TBC1D12: variants seen among roughly 807,000 people sequenced by gnomAD.
TBC1D12 encodes TBC1 domain family member 12.
TBC1D12 carries 56 observed loss-of-function variants against 86.7 expected under a neutral mutation model. The observed-to-expected ratio is 0.65, with a 90% CI of 0.52 to 0.81. TBC1D12 has a LOEUF of 0.81. TBC1D12 is among the 30% of genes least tolerant of loss of function. TBC1D12 has a pLI of 0.00. For missense variants in TBC1D12, 1,023 were observed against 1,038.8 expected (o/e 0.98, Z 0.21); for synonymous variants, 421 against 411.7 (o/e 1.02, Z -0.27).
chr10:94,487,694 C>CTTTTTTTTTTTTTTT (rs35682157), intron 3 of TBC1D12, among the ~76,000 whole-genome samples: 2 of 127,336 alleles, frequency 1.6e-5, no homozygotes, highest in Admixed American at 1.7e-4. Context: ...TGTTGTTTCT[C>CTTTTTTTTTTTTTTT]TTTTTTTTTT....
intron 11 of TBC1D12, among the ~76,000 whole-genome samples, chr10:94,527,879 T>A (rs1177138411): frequency 6.6e-6 from 1 of 152,234 alleles, no homozygotes; most frequent in Non-Finnish European, 1.5e-5. Context: ...ATCAGTTGGC[T>A]ATAGATAATG....
intron 3 of TBC1D12, among the ~76,000 whole-genome samples, chr10:94,487,479 AT>A (rs891031922): frequency 2.0e-5 from 3 of 148,496 alleles, no homozygotes; most frequent in African/African-American, 5.0e-5. Flanking sequence ...GTGTTGTCAT[AT>A]TTTTTTTATT....
At chr10:94,405,424 T>C (rs2134042083) in intron 1 of TBC1D12, among the ~76,000 whole-genome samples, 1 of 152,350 alleles carries the variant, frequency 6.6e-6, no homozygotes, top group Admixed American at 6.5e-5. Context: ...AAAATCCTAA[T>C]TTTTTGTTAC....
chr10:94,435,722 A>C (rs562793841), intron 1 of TBC1D12, among the ~76,000 whole-genome samples: 134 of 152,324 alleles, frequency 8.8e-4, no homozygotes, highest in African/African-American at 3.2e-3. Flanking sequence ...TTTAAAAATT[A>C]ATGCTTTTGG....
At chr10:94,507,127 A>G (rs142363790) in intron 6 of TBC1D12, 140 bp from the exon 7 acceptor site, 8 of 714,112 alleles carry the variant, frequency 1.1e-5, no homozygotes, top group African/African-American at 1.8e-5. Flanking sequence ...GGTAGAATCA[A>G]GTACTTAGAT....
At chr10:94,444,032 A>G (rs963324866) in intron 2 of TBC1D12, among the ~76,000 whole-genome samples, 1 of 152,068 alleles carries the variant, frequency 6.6e-6, no homozygotes, top group Non-Finnish European at 1.5e-5. Context: ...TTAGCCAGGC[A>G]TGGTGGTGCA....
rs755872161 is a variant in TBC1D12 at position 94,533,940 on chromosome 10, A to G, written c.*844A>G. On this transcript the variant is annotated 3_prime_UTR_variant, in exon 13 of 13. Coordinates refer to ENST00000225235, the MANE Select transcript of TBC1D12 (RefSeq NM_015188.2). The stretch of plus-strand genomic sequence containing the variant: ...TTTCTCAGTGATAAGAGTAAAAAGT[A>G]ATGAATCCTGAGAGTTCTTAAACAG... 7 of 152,214 alleles carry G rather than the reference A, an allele frequency of 4.6e-5. No homozygotes were observed. Among genetic ancestry groups the G allele is most frequent in the Non-Finnish European group, 1.0e-4 (7 of 68,032 alleles). The allele number at this position is 152,214 out of a possible 1,614,324, so 9.4% of individuals were successfully genotyped here.
intron 6 of TBC1D12, among the ~76,000 whole-genome samples, chr10:94,503,228 C>T (rs1284270464): frequency 6.6e-6 from 1 of 152,022 alleles, no homozygotes; most frequent in Non-Finnish European, 1.5e-5. Flanking sequence ...TTTTTCCTGC[C>T]ATTCTATAAA....
chr10:94,450,121 A>G lies in TBC1D12; in HGVS notation c.1095+8102A>G, dbSNP rs116968628. Among the ~76,000 whole-genome samples, 72 of 152,288 alleles carry G rather than the reference A, an allele frequency of 4.7e-4. No homozygotes were observed. The East Asian group carries it at 0.012, about 25-fold the overall frequency. ...CTTATTTCCATGAATTCTTTATTCA[A>G]AAAATACTATGTATAATGCAATAGG... On this transcript the variant is annotated intron_variant, in intron 2 of 12. Coordinates refer to ENST00000225235, the MANE Select transcript of TBC1D12 (RefSeq NM_015188.2).
chr10:94,531,911 T>TTATGTTATG (rs1452772265), intron 12 of TBC1D12, among the ~76,000 whole-genome samples: 2,272 of 71,468 alleles, frequency 0.032, 82 homozygotes, highest in South Asian at 0.063. Context: ...GTTATGTTAT[T>TTATGTTATG]TTATTGTCAC....
chr10:94,513,652 C>G (rs1261772149), intron 9 of TBC1D12, among the ~76,000 whole-genome samples: 1 of 151,984 alleles, frequency 6.6e-6, no homozygotes, highest in Non-Finnish European at 1.5e-5. Context: ...ACTTCCTGGT[C>G]CCCTGGTCCC....
intron 9 of TBC1D12, among the ~76,000 whole-genome samples, chr10:94,512,761 T>C (rs934999201): frequency 2.6e-5 from 4 of 152,200 alleles, no homozygotes; most frequent in Admixed American, 2.6e-4. Context: ...ATAGTCCTTA[T>C]AGAGAAAGTT....
At chr10:94,487,147 A>G (rs1054267185) in intron 3 of TBC1D12, among the ~76,000 whole-genome samples, 4 of 151,592 alleles carry the variant, frequency 2.6e-5, no homozygotes, top group Admixed American at 6.6e-5. Context: ...TTTGGTGTCC[A>G]TTGGCATGGA....
chr10:94,490,576 G>C (rs943384719), intron 3 of TBC1D12, among the ~76,000 whole-genome samples: 8 of 152,010 alleles, frequency 5.3e-5, no homozygotes, highest in African/African-American at 1.9e-4. Flanking sequence ...TCACATCTCT[G>C]TTTTTATTGA....
At chr10:94,459,479 C>G (rs2055688586) in intron 2 of TBC1D12, among the ~76,000 whole-genome samples, 1 of 152,268 alleles carries the variant, frequency 6.6e-6, no homozygotes, top group Non-Finnish European at 1.5e-5. Flanking sequence ...CCCGCCAGTA[C>G]CGCGCTGTGC....
At chr10:94,411,729 T>TG (rs968419360) in intron 1 of TBC1D12, among the ~76,000 whole-genome samples, 1 of 151,916 alleles carries the variant, frequency 6.6e-6, no homozygotes, top group Non-Finnish European at 1.5e-5. Context: ...GAGCCCAAGG[T>TG]GGGGGGACTG....
At chr10:94,441,228 G>C (rs1489848505) in intron 1 of TBC1D12, among the ~76,000 whole-genome samples, 1 of 151,376 alleles carries the variant, frequency 6.6e-6, no homozygotes, top group East Asian at 1.9e-4. Flanking sequence ...TTTGTAGTAA[G>C]CTTTCTTGTA....
At chr10:94,464,167 A>G (rs563532813) in intron 2 of TBC1D12, among the ~76,000 whole-genome samples, 26 of 152,262 alleles carry the variant, frequency 1.7e-4, no homozygotes, top group Middle Eastern at 6.8e-3. Context: ...TATAAATAGC[A>G]TATAGTTGGG....
chr10:94,504,841 C>G (rs2134196428), intron 6 of TBC1D12, among the ~76,000 whole-genome samples: 1 of 152,254 alleles, frequency 6.6e-6, no homozygotes, highest in South Asian at 2.1e-4. Context: ...AATCAGAAAG[C>G]AAAATATACA....
Sources: allele counts gnomAD v4.1 joint callset (sites outside exome capture counted in the v4.1 genomes callset), GRCh38; gene constraint gnomAD v4.1.1; transcripts MANE v1.5; gene names NCBI Gene and HGNC (gene_info 2026-07-23, HGNC 2026-07-21).